Variants in CNTNAP2 observed in about 807,000 individuals in gnomAD.
CNTNAP2 encodes contactin-associated protein-like 2.
A neutral mutation model predicts 155.2 loss-of-function variants in CNTNAP2; 98 were observed. The ratio of observed to expected loss-of-function variants is 0.63; its 90% confidence interval spans 0.54 to 0.75. The LOEUF is 0.75. Ranked by LOEUF, CNTNAP2 falls within the 30% of genes least tolerant of loss-of-function variation. The pLI is 0.00. For synonymous variants in CNTNAP2, 651 were observed against 631.2 expected, an observed-to-expected ratio of 1.03 and a Z score of -0.47; for missense variants, 1,727 against 1,688.1, an observed-to-expected ratio of 1.02 and a Z score of -0.40.
intron 3 of CNTNAP2, among the ~76,000 whole-genome samples, chr7:147,001,491 T>C (rs1798421266): frequency 6.6e-6 from 1 of 152,084 alleles, no homozygotes; most frequent in South Asian, 2.1e-4. Context: ...TAGATCTTAA[T>C]ATAGAGAAAA....
chr7:147,022,643 T>A (rs1183917983), intron 3 of CNTNAP2, among the ~76,000 whole-genome samples: 2 of 149,774 alleles, frequency 1.3e-5, no homozygotes, highest in African/African-American at 4.9e-5. Context: ...AAATATAAAA[T>A]AAGATCTCTG....
chr7:146,394,814 G>T (rs928826540), intron 1 of CNTNAP2, among the ~76,000 whole-genome samples: 11 of 152,040 alleles, frequency 7.2e-5, no homozygotes, highest in Non-Finnish European at 1.2e-4. Flanking sequence ...TTGCATAATG[G>T]TGAAGTGTGG....
intron 1 of CNTNAP2, among the ~76,000 whole-genome samples, chr7:146,341,431 G>A (rs1407710007): frequency 1.3e-5 from 2 of 152,060 alleles, no homozygotes; most frequent in African/African-American, 4.8e-5. Context: ...CTTGGAACAA[G>A]TTCTGATTAT....
chr7:147,374,726 T>C (rs1479844), intron 9 of CNTNAP2, among the ~76,000 whole-genome samples: 24,900 of 152,034 alleles, frequency 0.16, 2,187 homozygotes, highest in Middle Eastern at 0.19. Context: ...TCTGGAAACA[T>C]AGGAAAAGAG....
At chr7:147,524,172 T>C (rs888086475) in intron 11 of CNTNAP2, among the ~76,000 whole-genome samples, 3 of 152,216 alleles carry the variant, frequency 2.0e-5, no homozygotes, top group African/African-American at 7.2e-5. Flanking sequence ...TGCTTTGGTT[T>C]TTCTTTAAAA....
At chr7:146,622,261 ATCTATCTATCTATC>A (rs1288061525) in intron 1 of CNTNAP2, among the ~76,000 whole-genome samples, 9 of 137,428 alleles carry the variant, frequency 6.5e-5, no homozygotes, top group African/African-American at 1.2e-4. Context: ...CTATCTATCT[ATCTATCTATCTATC>A]TATCTATATA....
chr7:146,898,195 A>G (rs1483728150), intron 3 of CNTNAP2, among the ~76,000 whole-genome samples: 1 of 152,130 alleles, frequency 6.6e-6, no homozygotes, highest in African/African-American at 2.4e-5. Flanking sequence ...GGATTTTAAT[A>G]TATAAATACA....
chr7:146,753,991 C>T (rs1188153235), intron 1 of CNTNAP2, among the ~76,000 whole-genome samples: 3 of 151,900 alleles, frequency 2.0e-5, no homozygotes, highest in East Asian at 3.9e-4. Flanking sequence ...ATTTTTTATT[C>T]TTTTGTGGAC....
chr7:148,113,592 T>A (rs1389087834), intron 15 of CNTNAP2, among the ~76,000 whole-genome samples: 1 of 152,194 alleles, frequency 6.6e-6, no homozygotes, highest in Admixed American at 6.5e-5. Flanking sequence ...GATAGTGCAT[T>A]TTCTATTGAT....
At chr7:148,038,898 G>A in intron 15 of CNTNAP2, among the ~76,000 whole-genome samples, 1 of 152,058 alleles carries the variant, frequency 6.6e-6, no homozygotes, top group East Asian at 1.9e-4. Flanking sequence ...TTTATTAGGG[G>A]AATTGGCTCA....
At chr7:148,185,534 T>C (rs938502379) in intron 18 of CNTNAP2, among the ~76,000 whole-genome samples, 1 of 152,248 alleles carries the variant, frequency 6.6e-6, no homozygotes, top group Admixed American at 6.5e-5. Context: ...CTCTGCCCCG[T>C]TACCAAGGAT....
rs563327463 is a variant in CNTNAP2 at position 146,751,234 on chromosome 7, A to G, written c.98-23037A>G. Among the ~76,000 whole-genome samples the G allele has an allele frequency of 4.6e-5, 7 of 152,320 alleles. No homozygotes were observed. In the East Asian group the frequency reaches 1.4e-3, roughly 29 times the overall value. ...ATACAAATTTGAGTATACAAATTTG[A>G]GCATACACATTTGAGCATACAAATT... On this transcript the variant is annotated intron_variant, in intron 1 of 23. Coordinates refer to ENST00000361727, the MANE Select transcript of CNTNAP2 (RefSeq NM_014141.6).
intron 1 of CNTNAP2, among the ~76,000 whole-genome samples, chr7:146,162,835 G>T (rs996091999): frequency 6.6e-6 from 1 of 152,168 alleles, no homozygotes; most frequent in Non-Finnish European, 1.5e-5. Flanking sequence ...CCATAAAAAA[G>T]GATGAGTTCA....
chr7:147,298,485 A>AG (rs1563151000), intron 8 of CNTNAP2, among the ~76,000 whole-genome samples: 1 of 150,412 alleles, frequency 6.6e-6, no homozygotes, highest in African/African-American at 2.4e-5. Flanking sequence ...CCTAAAAAAA[A>AG]CCCACAAAAC....
At chr7:147,447,799 A>G (rs1797765500) in intron 10 of CNTNAP2, among the ~76,000 whole-genome samples, 1 of 151,548 alleles carries the variant, frequency 6.6e-6, no homozygotes, top group South Asian at 2.1e-4. Context: ...AAATAAATAT[A>G]TATAGTATAT....
At position 148,013,052 on chromosome 7, in the gene CNTNAP2, A is replaced by G. The variant is rs906297760; in HGVS notation, c.2383+35063A>G. 4.6e-5 allele frequency: 7 copies of G among 152,330 alleles called. 1 individual carries two copies. The highest frequency in any genetic ancestry group is 4.6e-4 in the Admixed American group (7 of 15,288). 9.4% of individuals were successfully genotyped at this position (152,330 alleles called of 1,614,324 possible). A position where few individuals can be genotyped will look rare whatever the true frequency, so the allele number is the denominator to read the frequency against. On this transcript the variant is annotated intron_variant, in intron 15 of 23. Transcript: ENST00000361727. ...ATTAACCCCAGTTAAATGAACAAGG[A>G]GTTGATCATCTGGGGGTGTTCACAG...
chr7:148,216,726 A>G (rs1011954573), intron 18 of CNTNAP2, among the ~76,000 whole-genome samples: 8 of 152,178 alleles, frequency 5.3e-5, no homozygotes, highest in Non-Finnish European at 1.2e-4. Flanking sequence ...AGATTTCTAT[A>G]TGATATGGTT....
At chr7:146,774,175 C>T in intron 1 of CNTNAP2, 96 bp from the exon 2 acceptor site, 1 of 832,808 alleles carries the variant, frequency 1.2e-6, no homozygotes, top group African/African-American at 1.7e-5. Context: ...ACATAAAAGA[C>T]ATATCAGATT....
At position 148,147,528 on chromosome 7, in the gene CNTNAP2, T is replaced by A; in HGVS notation, c.2592T>A (p.Asn864Lys). 1 of 1,614,102 alleles carries A rather than the reference T, an allele frequency of 6.2e-7. No homozygotes were observed. The highest frequency in any genetic ancestry group is 8.5e-7 in the Non-Finnish European group (1 of 1,180,034). The stretch of plus-strand genomic sequence containing the variant: ...TGTCCTTTTCATTTGATGTGGGAAA[T>A]GGGCCAGTAGAGATTGTAGTGAGGT... ...TEVSFSFDVG[N>K]GPVEIVVRSP... Residue 864 changes from asparagine to lysine, a missense_variant, in exon 17 of 24, where the codon AAT (asparagine) becomes AAA (lysine). Coordinates refer to ENST00000361727, the MANE Select transcript of CNTNAP2 (RefSeq NM_014141.6).
Sources: gnomAD v4.1 joint callset for allele counts (sites outside exome capture counted in the v4.1 genomes callset) on GRCh38, gnomAD v4.1.1 for gene constraint, MANE v1.5 for transcripts, NCBI Gene and HGNC (gene_info 2026-07-23, HGNC 2026-07-21) for gene names.